PPARGC1A: variants seen among roughly 807,000 people sequenced by gnomAD.
PPARGC1A encodes the protein peroxisome proliferator-activated receptor gamma coactivator 1-alpha.
A neutral mutation model predicts 88.7 loss-of-function variants in PPARGC1A; 25 were observed. The ratio of observed to expected loss-of-function variants is 0.28; its 90% CI spans 0.21 to 0.39. PPARGC1A has a LOEUF of 0.39. PPARGC1A is among the 10% of genes least tolerant of loss of function. The pLI, the probability that PPARGC1A is intolerant of heterozygous loss-of-function variation, is 1.00. For synonymous variants in PPARGC1A, 363 were observed against 355.6 expected, an observed-to-expected ratio of 1.02 and a Z score of -0.24; for missense variants, 880 against 968.7, an observed-to-expected ratio of 0.91 and a Z score of 1.22.
the PPARGC1A span, among the ~76,000 whole-genome samples, chr4:24,287,300 T>C: frequency 6.6e-6 from 1 of 151,990 alleles, no homozygotes; most frequent in Non-Finnish European, 1.5e-5. Context: ...AGTCACAAAA[T>C]CTCACACTCA....
chr4:24,172,506 C>T, the PPARGC1A span, among the ~76,000 whole-genome samples: 1 of 152,164 alleles, frequency 6.6e-6, no homozygotes, highest in Admixed American at 6.5e-5. Context: ...AGCTGCCACT[C>T]CTCTCTCTCT....
At chr4:24,154,629 C>T in the PPARGC1A span, among the ~76,000 whole-genome samples, 46 of 152,226 alleles carry the variant, frequency 3.0e-4, no homozygotes, top group African/African-American at 8.9e-4. Context: ...GCGCATGTCC[C>T]GTTCCCTTCT....
chr4:24,225,351 C>T, the PPARGC1A span, among the ~76,000 whole-genome samples: 26 of 152,166 alleles, frequency 1.7e-4, no homozygotes, highest in South Asian at 4.8e-3. Context: ...GGGCAGATCA[C>T]GAGGTCAGGA....
chr4:24,131,459 A>T, the PPARGC1A span, among the ~76,000 whole-genome samples: 4 of 152,212 alleles, frequency 2.6e-5, no homozygotes, highest in Non-Finnish European at 5.9e-5. Context: ...GGTAGAACTC[A>T]TATGTTTGCC....
chr4:23,898,794 T>C (rs1184749356), intron 1 of PPARGC1A, among the ~76,000 whole-genome samples: 2 of 151,382 alleles, frequency 1.3e-5, no homozygotes, highest in Non-Finnish European at 2.9e-5. Flanking sequence ...CTACCTCTTT[T>C]CAAAACAAAA....
the PPARGC1A span, among the ~76,000 whole-genome samples, chr4:24,285,378 A>G: frequency 1.3e-5 from 2 of 152,160 alleles, no homozygotes; most frequent in African/African-American, 4.8e-5. Flanking sequence ...ACACAAGCAC[A>G]TGGATGTCCT....
the PPARGC1A span, among the ~76,000 whole-genome samples, chr4:23,979,395 T>C: frequency 2.0e-5 from 3 of 152,218 alleles, no homozygotes; most frequent in Non-Finnish European, 2.9e-5. Flanking sequence ...CCACAGGGCA[T>C]GAGCAACATT....
chr4:24,459,104 T>C, the PPARGC1A span, among the ~76,000 whole-genome samples: 4 of 152,184 alleles, frequency 2.6e-5, no homozygotes, highest in Admixed American at 6.5e-5. Context: ...CCTGGGTATA[T>C]TACTTGCAAA....
At chr4:24,174,054 G>C in the PPARGC1A span, among the ~76,000 whole-genome samples, 4 of 152,234 alleles carry the variant, frequency 2.6e-5, no homozygotes, top group Non-Finnish European at 4.4e-5. Flanking sequence ...GTCAAAGAAA[G>C]GCAGCTGAGC....
the PPARGC1A span, among the ~76,000 whole-genome samples, chr4:24,409,803 A>G: frequency 9.2e-5 from 14 of 152,314 alleles, 1 homozygote; most frequent in Admixed American, 9.2e-4. Flanking sequence ...GGGGTTTTAC[A>G]TGACTGCATG....
At chr4:24,313,092 G>A in the PPARGC1A span, among the ~76,000 whole-genome samples, 3 of 152,256 alleles carry the variant, frequency 2.0e-5, no homozygotes, top group Admixed American at 1.3e-4. Context: ...AACAAACAGC[G>A]AATGATAACA....
At chr4:24,109,036 C>CCACACACA in the PPARGC1A span, among the ~76,000 whole-genome samples, 1 of 128,624 alleles carries the variant, frequency 7.8e-6, no homozygotes, top group Non-Finnish European at 1.6e-5. Flanking sequence ...CACACACACA[C>CCACACACA]CACACACACA....
chr4:24,436,564 C>T, the PPARGC1A span, among the ~76,000 whole-genome samples: 206 of 149,964 alleles, frequency 1.4e-3, no homozygotes, highest in Admixed American at 2.7e-3. Flanking sequence ...CAGCTGACAT[C>T]GATTGGCCAC....
At chr4:23,811,626 T>TA (rs1392379404) in intron 10 of PPARGC1A, among the ~76,000 whole-genome samples, 1 of 152,146 alleles carries the variant, frequency 6.6e-6, no homozygotes, top group Non-Finnish European at 1.5e-5. Context: ...TCTAGGTTGA[T>TA]AAACAGCGGT....
At chr4:24,011,967 C>T in the PPARGC1A span, among the ~76,000 whole-genome samples, 2 of 152,092 alleles carry the variant, frequency 1.3e-5, no homozygotes, top group Non-Finnish European at 2.9e-5. Flanking sequence ...TAATGAGGTA[C>T]CTAAAATGCA....
At chr4:24,202,847 G>T in the PPARGC1A span, among the ~76,000 whole-genome samples, 1 of 152,222 alleles carries the variant, frequency 6.6e-6, no homozygotes, top group Non-Finnish European at 1.5e-5. Flanking sequence ...TTTCAGAAAA[G>T]AGTCATTGAC....
intron 12 of PPARGC1A, among the ~76,000 whole-genome samples, chr4:23,800,967 C>CTTT (rs72052228): frequency 3.8e-4 from 46 of 122,100 alleles, no homozygotes; most frequent in South Asian, 1.0e-3. Flanking sequence ...GTGTTTCTTT[C>CTTT]TTTTTTTTTT....
chr4:24,094,446 C>T, the PPARGC1A span, among the ~76,000 whole-genome samples: 1 of 152,186 alleles, frequency 6.6e-6, no homozygotes, highest in African/African-American at 2.4e-5. Context: ...TTTTCTCTTC[C>T]TTTTCCAGTC....
the PPARGC1A span, among the ~76,000 whole-genome samples, chr4:24,120,498 T>C: frequency 6.6e-6 from 1 of 152,186 alleles, no homozygotes; most frequent in Non-Finnish European, 1.5e-5. Flanking sequence ...TAAACATTGT[T>C]CCCATTTTCC....
Sources: allele counts gnomAD v4.1 joint callset (sites outside exome capture counted in the v4.1 genomes callset), GRCh38; gene constraint gnomAD v4.1.1; transcripts MANE v1.5; gene names NCBI Gene and HGNC (gene_info 2026-07-23, HGNC 2026-07-21).